Variants in NSUN6 observed in about 807,000 individuals in gnomAD.
NSUN6 encodes NOP2/Sun RNA methyltransferase 6.
A neutral mutation model predicts 58.0 loss-of-function variants in NSUN6; 64 were observed. The observed-to-expected ratio is 1.10, with a 90% CI of 0.90 to 1.36. The LOEUF is 1.36. Ranked by LOEUF, NSUN6 falls within the 40% of genes most tolerant of loss-of-function variation. The pLI is 0.00. For missense variants in NSUN6, 701 were observed against 550.1 expected (o/e 1.27, Z -2.74); for synonymous variants, 231 against 193.9 (o/e 1.19, Z -1.59).
intron 8 of NSUN6, among the ~76,000 whole-genome samples, chr10:18,573,345 T>C (rs2056486117): frequency 6.6e-6 from 1 of 151,420 alleles, no homozygotes; most frequent in African/African-American, 2.4e-5. Flanking sequence ...CCCATTCCTT[T>C]CCATTCCTCA....
At chr10:18,623,473 C>T (rs7089083) in intron 3 of NSUN6, among the ~76,000 whole-genome samples, 29,927 of 152,010 alleles carry the variant, frequency 0.2, 3,239 homozygotes, top group South Asian at 0.31. Flanking sequence ...TTTCTCAGCA[C>T]GGTGTGGAGT....
intron 3 of NSUN6, among the ~76,000 whole-genome samples, chr10:18,619,568 A>G (rs1399937121): frequency 6.6e-6 from 1 of 152,100 alleles, no homozygotes; most frequent in Non-Finnish European, 1.5e-5. Context: ...CCTAACCTCT[A>G]ATATATCAAC....
chr10:18,581,593 G>A (rs1254062860), intron 8 of NSUN6, among the ~76,000 whole-genome samples: 2 of 152,170 alleles, frequency 1.3e-5, no homozygotes, highest in Non-Finnish European at 2.9e-5. Context: ...TTGGGAGGCC[G>A]AGGTGGGCGG....
At position 18,629,577 on chromosome 10, in the gene NSUN6, A is replaced by AAT. The variant is rs199731325; in HGVS notation, c.311+12898_311+12899insAT. Among the ~76,000 whole-genome samples, 34 of 71,254 alleles carry AAT rather than the reference A, an allele frequency of 4.8e-4. 2 individuals are homozygous for AAT. Among genetic ancestry groups the AAT allele is most frequent in the African/African-American group, 1.4e-3 (31 of 22,024 alleles). The allele number at this position is 71,254 out of a possible 152,430, so 46.7% of individuals were successfully genotyped here. ...GGAGGAAGATCTACCAAGCTAATGGAAAACAAAAAAGGCAGGGGTTACAAT... is the reference window on the plus strand; with the variant it reads ...GGAGGAAGATCTACCAAGCTAATGGAATAAACAAAAAAGGCAGGGGTTACAAT... On this transcript the variant is annotated intron_variant, in intron 3 of 10. Coordinates refer to ENST00000377304, the MANE Select transcript of NSUN6 (RefSeq NM_182543.5).
At chr10:18,580,952 C>T (rs1294366289) in intron 8 of NSUN6, among the ~76,000 whole-genome samples, 2 of 152,166 alleles carry the variant, frequency 1.3e-5, no homozygotes, top group Non-Finnish European at 2.9e-5. Flanking sequence ...AAGTTTAAAG[C>T]ATAAATGAAA....
At chr10:18,618,514 C>T (rs2058490635) in intron 3 of NSUN6, among the ~76,000 whole-genome samples, 1 of 151,894 alleles carries the variant, frequency 6.6e-6, no homozygotes, top group African/African-American at 2.4e-5. Context: ...AAATCCCCGT[C>T]TCTACTAAAA....
chr10:18,628,058 T>C (rs2058887401), intron 3 of NSUN6, among the ~76,000 whole-genome samples: 1 of 152,162 alleles, frequency 6.6e-6, no homozygotes, highest in South Asian at 2.1e-4. Flanking sequence ...CAGCTGGAGA[T>C]CTGAGAACGG....
intron 8 of NSUN6, among the ~76,000 whole-genome samples, chr10:18,577,452 G>A (rs965282986): frequency 3.9e-5 from 6 of 151,996 alleles, no homozygotes; most frequent in African/African-American, 1.5e-4. Flanking sequence ...TCTTCTTCTT[G>A]GGTGCTGTGT....
chr10:18,565,336 C>CTTCCATTCCT (rs1404500711), intron 8 of NSUN6, among the ~76,000 whole-genome samples: 1 of 147,116 alleles, frequency 6.8e-6, no homozygotes, highest in African/African-American at 2.5e-5. Flanking sequence ...ATTCCATTCC[C>CTTCCATTCCT]TTCCATTCTC....
intron 9 of NSUN6, 79 bp from the exon 10 acceptor site, chr10:18,548,316 A>T (rs753110494): frequency 8.2e-6 from 10 of 1,223,532 alleles, no homozygotes; most frequent in Admixed American, 4.6e-5. Flanking sequence ...AAAAGGTATA[A>T]TGTCTTTCAA....
rs1452377943 is a variant in NSUN6 at position 18,551,889 on chromosome 10, C to T, written c.1005G>A (p.Met335Ile). 6.2e-7 allele frequency: 1 copy of T among 1,612,030 alleles called. No homozygotes were observed. The highest frequency in any genetic ancestry group is 1.7e-5 in the Admixed American group (1 of 59,944). Residue 335 changes from methionine to isoleucine, a missense_variant, in exon 9 of 11, where the codon ATG becomes ATA. Physicochemically the swap from Met to Ile is conservative, Grantham distance 10. Transcript: ENST00000377304. ...CTTCCTTCACAGACCAAGTACAGGC[C>T]ATGTTTGGTCTCTGTCCCATTCCAC... The part of the protein sequence containing the change: ...PCSGMGQRPN[M>I]ACTWSVKEVA...
intron 3 of NSUN6, among the ~76,000 whole-genome samples, chr10:18,636,181 G>A (rs1442894563): frequency 6.6e-6 from 1 of 151,956 alleles, no homozygotes; most frequent in Non-Finnish European, 1.5e-5. Context: ...TACATAAGAG[G>A]TAACCTTCGG....
upstream of NSUN6, chr10:18,651,778 A>T (rs2059714257): frequency 1.0e-6 from 1 of 985,260 alleles, no homozygotes; most frequent in African/African-American, 1.7e-5. Flanking sequence ...CACCTGCCTC[A>T]GGTTAAGTAG....
chr10:18,581,868 A>G (rs2056919669), intron 8 of NSUN6, among the ~76,000 whole-genome samples: 2 of 151,358 alleles, frequency 1.3e-5, no homozygotes, highest in South Asian at 4.2e-4. Context: ...AGGCTGCTCT[A>G]TGAAGCAGTC....
At chr10:18,584,606 A>G (rs1337599243) in intron 8 of NSUN6, among the ~76,000 whole-genome samples, 6 of 152,200 alleles carry the variant, frequency 3.9e-5, no homozygotes, top group Admixed American at 3.9e-4. Context: ...AGCAAGAAAA[A>G]AAGGTAATAT....
chr10:18,637,670 AT>A (rs2059263324), intron 3 of NSUN6, among the ~76,000 whole-genome samples: 1 of 152,218 alleles, frequency 6.6e-6, no homozygotes, highest in Non-Finnish European at 1.5e-5. Context: ...GTCCACAAAT[AT>A]TGACTCCAAC....
Position 18,648,558 on chromosome 10 carries a change from C to A in NSUN6, c.163G>T (p.Val55Phe). Residue 55 changes from valine (V) to phenylalanine (F), a missense_variant, in exon 2 of 11, where the codon GTC (valine) becomes TTC (phenylalanine). Coordinates refer to ENST00000377304, the MANE Select transcript of NSUN6 (RefSeq NM_182543.5). ...HLSHPPSFTT[V>F]RVNTHLASVQ... ...GAGGCTAAATGTGTATTCACTCTGACAGTTGTAAATGATGGAGGATGTGAC... is the reference window on the plus strand; with the variant it reads ...GAGGCTAAATGTGTATTCACTCTGAAAGTTGTAAATGATGGAGGATGTGAC... 1.2e-6 allele frequency: 2 copies of A among 1,606,634 alleles called. No homozygotes were observed. The highest frequency in any genetic ancestry group is 1.7e-6 in the Non-Finnish European group (2 of 1,173,418).
chr10:18,578,329 GTTCAAGCGA>G (rs1047504623), intron 8 of NSUN6, among the ~76,000 whole-genome samples: 10 of 150,520 alleles, frequency 6.6e-5, no homozygotes, highest in African/African-American at 2.4e-4. Context: ...CGCCTCCTGG[GTTCAAGCGA>G]TTCTGCTCCC....
chr10:18,630,593 A>C (rs1366847280), intron 3 of NSUN6, among the ~76,000 whole-genome samples: 1 of 152,242 alleles, frequency 6.6e-6, no homozygotes, highest in Non-Finnish European at 1.5e-5. Flanking sequence ...ATCCCACAGA[A>C]ATACAAACTA....
Sources: allele counts gnomAD v4.1 joint callset (sites outside exome capture counted in the v4.1 genomes callset), GRCh38; gene constraint gnomAD v4.1.1; transcripts MANE v1.5; gene names NCBI Gene and HGNC (gene_info 2026-07-23, HGNC 2026-07-21).